Variants in MYT1L observed in about 807,000 individuals in gnomAD.
MYT1L encodes the protein myelin transcription factor 1 like.
A neutral mutation model predicts 126.7 loss-of-function variants in MYT1L; 12 were observed. The ratio of observed to expected loss-of-function variants is 0.09; its 90% confidence interval spans 0.06 to 0.15. MYT1L has a LOEUF of 0.15. Ranked by LOEUF, MYT1L falls within the 10% of genes least tolerant of loss-of-function variation. The probability of loss-of-function intolerance (pLI) is 1.00; values close to 1 mark genes in which losing one functional copy is unlikely to be tolerated. For synonymous variants in MYT1L, 541 were observed against 604.2 expected (o/e 0.90, Z 1.53); for missense variants, 979 against 1,585.2 (o/e 0.62, Z 6.49).
intron 2 of MYT1L, among the ~76,000 whole-genome samples, chr2:2,238,163 T>A (rs2094364089): frequency 6.6e-6 from 1 of 152,122 alleles, no homozygotes; most frequent in Non-Finnish European, 1.5e-5. Context: ...CAGGGGGTGG[T>A]GGGGCATCTG....
At chr2:2,245,679 C>T (rs1012682223) in intron 2 of MYT1L, among the ~76,000 whole-genome samples, 6 of 151,952 alleles carry the variant, frequency 3.9e-5, no homozygotes, top group Admixed American at 3.9e-4. Flanking sequence ...CGGTCTACCT[C>T]CTTCTCCAGG....
intron 2 of MYT1L, among the ~76,000 whole-genome samples, chr2:2,280,559 C>T (rs1320782024): frequency 6.6e-6 from 1 of 152,194 alleles, no homozygotes; most frequent in Non-Finnish European, 1.5e-5. Flanking sequence ...TAACGCTCTG[C>T]CTCAGGTCTC....
chr2:2,072,842 T>C (rs1003742680), intron 3 of MYT1L, among the ~76,000 whole-genome samples: 2 of 152,220 alleles, frequency 1.3e-5, no homozygotes, highest in African/African-American at 4.8e-5. Flanking sequence ...TTTGCCATCA[T>C]TGTAAGTTTC....
rs79384414 is a variant in MYT1L, at chr2:2,142,503, G to T, written c.-304+30369C>A. Among the ~76,000 whole-genome samples, 779 of 152,198 alleles carry T rather than the reference G, an allele frequency of 5.1e-3. 10 individuals carry two copies. Among genetic ancestry groups the T allele is most frequent in the African/African-American group, 0.018 (754 of 41,534 alleles). On this transcript the variant is annotated intron_variant, in intron 3 of 24. Coordinates refer to ENST00000647738, the MANE Select transcript of MYT1L (RefSeq NM_001303052.2). ...TCTGCATAAGACCAACTCACCAGGCGTGAAGCGTCAACTCCCTGGGCTGTG... is the reference window on the plus strand; with the variant it reads ...TCTGCATAAGACCAACTCACCAGGCTTGAAGCGTCAACTCCCTGGGCTGTG...
At chr2:1,886,990 A>C in intron 17 of MYT1L, 1 of 404,238 alleles carries the variant, frequency 2.5e-6, no homozygotes, top group Non-Finnish European at 4.4e-6. Context: ...CTTTGACAGC[A>C]TTGTTGAGGT....
At chr2:1,813,306 T>G (rs199525064) in intron 21 of MYT1L, among the ~76,000 whole-genome samples, 1 of 28,946 alleles carries the variant, frequency 3.5e-5, no homozygotes, top group Admixed American at 4.2e-4. Flanking sequence ...GGTCTGTGCT[T>G]CTTTCTCCCT....
intron 21 of MYT1L, among the ~76,000 whole-genome samples, chr2:1,819,062 A>C (rs2038130058): frequency 6.6e-6 from 1 of 152,008 alleles, no homozygotes. Flanking sequence ...TCAGGAAACA[A>C]AGGTCCCTCT....
chr2:1,799,902 A>AT (rs1039104246), intron 23 of MYT1L, among the ~76,000 whole-genome samples: 2 of 152,016 alleles, frequency 1.3e-5, no homozygotes, highest in Non-Finnish European at 2.9e-5. Flanking sequence ...AGTGTCTGGC[A>AT]TTTCCTCTGC....
chr2:1,902,284 C>A (rs1302376487), intron 14 of MYT1L, among the ~76,000 whole-genome samples: 1 of 152,242 alleles, frequency 6.6e-6, no homozygotes, highest in African/African-American at 2.4e-5. Context: ...CTACCCCTTT[C>A]CCATGAAGCC....
intron 8 of MYT1L, among the ~76,000 whole-genome samples, chr2:1,945,728 T>C (rs1368471809): frequency 2.0e-5 from 3 of 152,188 alleles, no homozygotes; most frequent in African/African-American, 4.8e-5. Flanking sequence ...CCATGAATGA[T>C]AGGAACTGCT....
At chr2:2,242,749 G>T (rs752145763) in intron 2 of MYT1L, among the ~76,000 whole-genome samples, 1 of 152,184 alleles carries the variant, frequency 6.6e-6, no homozygotes, top group Non-Finnish European at 1.5e-5. Flanking sequence ...TTTTGGTCTA[G>T]TGAGTGGGCA....
At chr2:2,142,777 C>A (rs1305672617) in intron 3 of MYT1L, among the ~76,000 whole-genome samples, 4 of 151,876 alleles carry the variant, frequency 2.6e-5, no homozygotes, top group Non-Finnish European at 5.9e-5. Flanking sequence ...ACCTCTGCCT[C>A]CTGGGTTCAA....
intron 2 of MYT1L, among the ~76,000 whole-genome samples, chr2:2,275,201 A>C (rs980421950): frequency 1.1e-5 from 1 of 94,234 alleles, no homozygotes; most frequent in East Asian, 2.8e-4. Flanking sequence ...ATAATAATAA[A>C]ATGTGTGTGT....
At chr2:2,330,080 C>A (rs2096275761) in intron 1 of MYT1L, among the ~76,000 whole-genome samples, 1 of 151,702 alleles carries the variant, frequency 6.6e-6, no homozygotes, top group Admixed American at 6.6e-5. Context: ...CTACATGACA[C>A]TAAATGAAGA....
intron 3 of MYT1L, among the ~76,000 whole-genome samples, chr2:2,108,409 G>C (rs768052867): frequency 2.6e-5 from 4 of 152,178 alleles, no homozygotes; most frequent in Admixed American, 6.5e-5. Context: ...TTCTATGGAG[G>C]TTTTTCCTTT....
chr2:2,245,666 G>A (rs373350793), intron 2 of MYT1L, among the ~76,000 whole-genome samples: 6 of 151,864 alleles, frequency 4.0e-5, no homozygotes, highest in South Asian at 4.2e-4. Flanking sequence ...CTAGAGCTGA[G>A]GACGGTCTAC....
intron 3 of MYT1L, among the ~76,000 whole-genome samples, chr2:2,099,722 C>G (rs757021542): frequency 3.9e-5 from 6 of 152,214 alleles, no homozygotes; most frequent in Non-Finnish European, 7.3e-5. Context: ...ACTCCAAGAT[C>G]ACCAGATACC....
chr2:2,192,038 A>G (rs540393365), intron 2 of MYT1L, among the ~76,000 whole-genome samples: 1 of 152,328 alleles, frequency 6.6e-6, no homozygotes, highest in African/African-American at 2.4e-5. Context: ...ACCTGGCAGA[A>G]ATCAGTCTCT....
chr2:2,281,959 G>A (rs1375180462), intron 2 of MYT1L, among the ~76,000 whole-genome samples: 2 of 152,186 alleles, frequency 1.3e-5, no homozygotes, highest in Non-Finnish European at 2.9e-5. Context: ...TTTCTGTAGT[G>A]CACTCTGGCG....
Sources: allele counts gnomAD v4.1 joint callset (sites outside exome capture counted in the v4.1 genomes callset), GRCh38; gene constraint gnomAD v4.1.1; transcripts MANE v1.5; gene names NCBI Gene and HGNC (gene_info 2026-07-23, HGNC 2026-07-21).